Variants in NRF1 observed in about 807,000 individuals in gnomAD.
NRF1 encodes the protein nuclear respiratory factor 1, also known as alpha palindromic-binding protein.
Under a neutral mutation model 58.5 loss-of-function variants are expected in NRF1, and 5 were observed. That is an observed-to-expected ratio of 0.09 (90% CI 0.04 to 0.18). NRF1 has a LOEUF of 0.18. Among genes scored for constraint, NRF1 ranks in the 10% least tolerant of loss-of-function variants. The pLI, the probability that NRF1 is intolerant of heterozygous loss-of-function variation, is 1.00. For missense variants in NRF1, 288 were observed against 657.7 expected, an observed-to-expected ratio of 0.44 and a Z score of 6.15; for synonymous variants, 224 against 246.7, an observed-to-expected ratio of 0.91 and a Z score of 0.86.
intron 1 of NRF1, among the ~76,000 whole-genome samples, chr7:129,627,505 CAAAAGTGCTTTTT>C (rs1220246454): frequency 3.9e-5 from 6 of 152,132 alleles, no homozygotes; most frequent in Non-Finnish European, 8.8e-5. Flanking sequence ...CCTTGCCCAG[CAAAAGTGCTTTTT>C]TAAAAAAGAG....
chr7:129,731,248 G>A (rs1248201890), intron 10 of NRF1, among the ~76,000 whole-genome samples: 1 of 150,862 alleles, frequency 6.6e-6, no homozygotes, highest in Non-Finnish European at 1.5e-5. Flanking sequence ...TCCGGCCTGG[G>A]CGACAGAGCA....
chr7:129,748,398 G>A (rs1016996199), intron 10 of NRF1, among the ~76,000 whole-genome samples: 7 of 152,018 alleles, frequency 4.6e-5, no homozygotes, highest in Admixed American at 2.6e-4. Flanking sequence ...GAATGGTGGC[G>A]GCAATAAAGT....
chr7:129,628,097 G>A (rs1372065762), intron 1 of NRF1, among the ~76,000 whole-genome samples: 2 of 135,066 alleles, frequency 1.5e-5, no homozygotes, highest in Admixed American at 1.7e-4. Flanking sequence ...AGGCAGGAGT[G>A]CAGTGGCATG....
intron 5 of NRF1, among the ~76,000 whole-genome samples, chr7:129,699,866 G>T (rs753168964): frequency 1.3e-5 from 2 of 151,788 alleles, no homozygotes; most frequent in African/African-American, 4.8e-5. Context: ...TAGGCCGGGC[G>T]CAGTGGCTCA....
intron 1 of NRF1, among the ~76,000 whole-genome samples, chr7:129,632,332 A>C (rs1007575993): frequency 6.6e-6 from 1 of 152,004 alleles, no homozygotes. Context: ...CAGTACTATA[A>C]CCCCATTTAA....
chr7:129,750,203 C>T (rs1356913774), intron 10 of NRF1, among the ~76,000 whole-genome samples: 3 of 152,136 alleles, frequency 2.0e-5, no homozygotes, highest in Admixed American at 1.3e-4. Flanking sequence ...CTTAATCAAT[C>T]GAAATGACCC....
intron 2 of NRF1, among the ~76,000 whole-genome samples, chr7:129,666,810 C>T (rs979339329): frequency 2.0e-5 from 3 of 152,158 alleles, no homozygotes; most frequent in East Asian, 3.8e-4. Context: ...GGATTACAGG[C>T]GAGAGCCACC....
At chr7:129,725,913 G>A (rs1279490755) in intron 9 of NRF1, among the ~76,000 whole-genome samples, 1 of 152,148 alleles carries the variant, frequency 6.6e-6, no homozygotes, top group African/African-American at 2.4e-5. Context: ...TTTTGCAGGG[G>A]AATTACTATA....
At chr7:129,711,361 G>C (rs1369459982) in intron 7 of NRF1, 114 bp from the exon 8 acceptor site, 3 of 677,568 alleles carry the variant, frequency 4.4e-6, no homozygotes, top group Non-Finnish European at 7.6e-6. Flanking sequence ...ACATCATAAG[G>C]CATATTCTTT....
At chr7:129,619,394 GTGTATATATATATATA>G (rs1355534019) in intron 1 of NRF1, among the ~76,000 whole-genome samples, 3 of 46,632 alleles carry the variant, frequency 6.4e-5, no homozygotes, top group Non-Finnish European at 1.1e-4. Flanking sequence ...CTTGGCATAC[GTGTATATATATATATA>G]TATATATATA....
At chr7:129,704,201 A>G (rs1802898970) in intron 5 of NRF1, among the ~76,000 whole-genome samples, 1 of 152,046 alleles carries the variant, frequency 6.6e-6, no homozygotes, top group Non-Finnish European at 1.5e-5. Context: ...ATAGCTTGCC[A>G]TTGATCATTG....
rs1803846066 is a variant in NRF1 at position 129,741,474 on chromosome 7, T to C, written c.1349-13544T>C. Among the ~76,000 whole-genome samples the C allele has an allele frequency of 6.6e-6, 1 of 152,180 alleles. No homozygotes were observed. Among genetic ancestry groups the C allele is most frequent in the Non-Finnish European group, 1.5e-5 (1 of 68,028 alleles). ...GTGCCTGTCATTGTGAGCGCTATTC[T>C]GTAAAGGGATTTTTTTTTCTGGCAT... On this transcript the variant is annotated intron_variant, in intron 10 of 10. Coordinates refer to ENST00000393232, the MANE Select transcript of NRF1 (RefSeq NM_005011.5). The surrounding 1 kb of genome is among the most constrained non-coding windows in gnomAD (Gnocchi z 4.0).
intron 1 of NRF1, among the ~76,000 whole-genome samples, chr7:129,651,409 G>A (rs1316607434): frequency 8.8e-6 from 1 of 113,186 alleles, no homozygotes; most frequent in Non-Finnish European, 1.8e-5. Context: ...AACAGAGTGA[G>A]ACTCTGTCTC....
At chr7:129,688,966 A>G (rs536086000) in intron 4 of NRF1, among the ~76,000 whole-genome samples, 1 of 152,132 alleles carries the variant, frequency 6.6e-6, no homozygotes, top group Non-Finnish European at 1.5e-5. Flanking sequence ...CAGCATAAAT[A>G]CTATCTAGAC....
chr7:129,729,533 T>A (rs1403871140), intron 10 of NRF1, among the ~76,000 whole-genome samples: 1 of 152,238 alleles, frequency 6.6e-6, no homozygotes, highest in African/African-American at 2.4e-5. Context: ...AATGCAGCAT[T>A]TCTGTATCAA....
At chr7:129,619,443 C>CAT (rs1289414541) in intron 1 of NRF1, among the ~76,000 whole-genome samples, 3 of 102,376 alleles carry the variant, frequency 2.9e-5, no homozygotes, top group Admixed American at 1.0e-4. Flanking sequence ...TACACACACA[C>CAT]ACACATATAT....
At chr7:129,635,194 A>G (rs1177320159) in intron 1 of NRF1, among the ~76,000 whole-genome samples, 2 of 152,216 alleles carry the variant, frequency 1.3e-5, no homozygotes, top group Non-Finnish European at 2.9e-5. Flanking sequence ...ACTATATAGA[A>G]TATAATCTTC....
chr7:129,631,007 A>G lies in NRF1; in HGVS notation c.-7+19183A>G, dbSNP rs568115769. 1.6e-3 allele frequency among the ~76,000 whole-genome samples: 246 copies of G among 152,236 alleles called. 3 individuals carry two copies. The highest frequency in any genetic ancestry group is 3.1e-3 in the South Asian group (15 of 4,828). On this transcript the variant is annotated intron_variant, in intron 1 of 10. Transcript: ENST00000393232. ...GAGGACCAGTAAATGAAACACTCAT[A>G]TGTTGTTTTGAGCAAAATTTTTTAT...
chr7:129,684,611 C>T (rs1357602833), intron 4 of NRF1, among the ~76,000 whole-genome samples: 1 of 151,942 alleles, frequency 6.6e-6, no homozygotes, highest in African/African-American at 2.4e-5. Flanking sequence ...AATCTTATAC[C>T]CTAGTCTTAT....
Sources: gnomAD v4.1 joint callset for allele counts (sites outside exome capture counted in the v4.1 genomes callset) on GRCh38, gnomAD v4.1.1 for gene constraint, Gnocchi (gnomAD v3.1) non-coding constraint, MANE v1.5 for transcripts, NCBI Gene and HGNC (gene_info 2026-07-23, HGNC 2026-07-21) for gene names.